UTRN: variants seen among roughly 807,000 people sequenced by gnomAD.
UTRN encodes utrophin, also known as dystrophin-related protein 1.
UTRN carries 283 observed loss-of-function variants against 463.9 expected under a neutral mutation model. That is an observed-to-expected ratio of 0.61 (90% confidence interval 0.55 to 0.67). UTRN has a LOEUF of 0.67. UTRN is among the 30% of genes least tolerant of loss of function. The probability of loss-of-function intolerance (pLI) is 0.00; values close to 1 mark genes in which losing one functional copy is unlikely to be tolerated. For missense variants in UTRN, 3,922 were observed against 4,084.3 expected, an observed-to-expected ratio of 0.96 and a Z score of 1.08; for synonymous variants, 1,442 against 1,431.5, an observed-to-expected ratio of 1.01 and a Z score of -0.17.
At chr6:144,546,921 T>G (rs1317175193) in intron 46 of UTRN, among the ~76,000 whole-genome samples, 1 of 152,264 alleles carries the variant, frequency 6.6e-6, no homozygotes, top group East Asian at 1.9e-4. Context: ...AATGTCTAGT[T>G]TAATAGAACA....
intron 34 of UTRN, 26 bp downstream of exon 34, chr6:144,499,453 C>G: frequency 1.3e-6 from 2 of 1,572,396 alleles, no homozygotes; most frequent in Non-Finnish European, 1.7e-6. Flanking sequence ...GATGAAACAC[C>G]AGCATGATGC....
chr6:144,529,577 G>A (rs1321129822), intron 41 of UTRN, among the ~76,000 whole-genome samples: 1 of 152,082 alleles, frequency 6.6e-6, no homozygotes, highest in Non-Finnish European at 1.5e-5. Flanking sequence ...TGGAAATTGT[G>A]ATTGTTGTGT....
chr6:144,657,250 C>CAAA (rs11400052), intron 51 of UTRN, among the ~76,000 whole-genome samples: 58 of 68,634 alleles, frequency 8.5e-4, no homozygotes, highest in East Asian at 1.1e-3. Flanking sequence ...AACTCCATCT[C>CAAA]AAAAAAAAAA....
chr6:144,490,310 C>A, intron 31 of UTRN, 111 bp downstream of exon 31: 1 of 1,436,042 alleles, frequency 7.0e-7, no homozygotes, highest in Non-Finnish European at 9.3e-7. Context: ...TGATGTAAAC[C>A]ATGGGATGGG....
chr6:144,289,700 G>C (rs910434282), intron 1 of UTRN, among the ~76,000 whole-genome samples: 5 of 152,042 alleles, frequency 3.3e-5, no homozygotes, highest in African/African-American at 1.2e-4. Flanking sequence ...CCAGGCTGGA[G>C]AGTAATAGCA....
intron 51 of UTRN, among the ~76,000 whole-genome samples, chr6:144,634,013 C>T (rs1285838658): frequency 6.6e-6 from 1 of 152,178 alleles, no homozygotes; most frequent in Non-Finnish European, 1.5e-5. Flanking sequence ...AGCAAAAAAG[C>T]CCAACCTGGC....
chr6:144,621,343 C>T (rs972446171), intron 51 of UTRN, among the ~76,000 whole-genome samples: 3 of 152,104 alleles, frequency 2.0e-5, no homozygotes, highest in Admixed American at 1.3e-4. Context: ...TTTTATGGTT[C>T]TCCAGAGAAA....
intron 51 of UTRN, among the ~76,000 whole-genome samples, chr6:144,663,688 T>C (rs952699526): frequency 1.3e-5 from 2 of 152,198 alleles, no homozygotes; most frequent in Admixed American, 1.3e-4. Context: ...AGTGCCGTTC[T>C]CTTAGTACCA....
Position 144,522,018 on chromosome 6 carries a change from T to A in UTRN, c.5580T>A (p.Ala1860=), listed in dbSNP as rs1351246735. ...PIQQRKMGQL[A]SGIRSSLLPT... The stretch of plus-strand genomic sequence containing the variant: ...AACAGAGGAAAATGGGTCAACTTGC[T>A]TCTGGAATTAGATCATCACTTCTTC... The change falls in exon 40 of 75, where the codon GCT becomes GCA. Residue 1860 remains alanine (A), a synonymous_variant. Transcript: ENST00000367545. 1 of 1,580,080 alleles carries A rather than the reference T, an allele frequency of 6.3e-7. No homozygotes were observed. Among genetic ancestry groups the A allele is most frequent in the Admixed American group, 1.8e-5 (1 of 54,552 alleles).
intron 51 of UTRN, among the ~76,000 whole-genome samples, chr6:144,661,095 A>C (rs1008806752): frequency 6.6e-6 from 1 of 152,218 alleles, no homozygotes; most frequent in Admixed American, 6.5e-5. Context: ...CTCACTTGGT[A>C]TGTAAGTCAA....
At chr6:144,709,539 TA>T (rs1785450849) in intron 53 of UTRN, among the ~76,000 whole-genome samples, 1 of 152,180 alleles carries the variant, frequency 6.6e-6, no homozygotes, top group Non-Finnish European at 1.5e-5. Flanking sequence ...TTTTATTCCC[TA>T]AAAGTTCCCA....
intron 52 of UTRN, 31 bp from the exon 53 acceptor site, chr6:144,700,056 G>GGTTATT: frequency 1.3e-6 from 2 of 1,548,940 alleles, no homozygotes; most frequent in Non-Finnish European, 1.7e-6. Flanking sequence ...TTCTAAATGT[G>GGTTATT]GTTATTATTA....
chr6:144,624,936 A>T (rs1775798108), intron 51 of UTRN, among the ~76,000 whole-genome samples: 1 of 151,966 alleles, frequency 6.6e-6, no homozygotes, highest in Admixed American at 6.5e-5. Flanking sequence ...AGAGAGCGGA[A>T]TGTGTTTTCT....
At chr6:144,605,021 C>A (rs111597365) in intron 51 of UTRN, among the ~76,000 whole-genome samples, 1 of 152,148 alleles carries the variant, frequency 6.6e-6, no homozygotes, top group Non-Finnish European at 1.5e-5. Context: ...CCACTTCTCA[C>A]GATATATCGT....
chr6:144,770,949 C>T (rs1793938803), intron 58 of UTRN, among the ~76,000 whole-genome samples: 1 of 152,146 alleles, frequency 6.6e-6, no homozygotes, highest in African/African-American at 2.4e-5. Flanking sequence ...GAGGGAGGCT[C>T]TGTAGATTGT....
chr6:144,716,357 T>C (rs1157468555), intron 53 of UTRN, among the ~76,000 whole-genome samples: 1 of 152,128 alleles, frequency 6.6e-6, no homozygotes, highest in Non-Finnish European at 1.5e-5. Flanking sequence ...TCTTAACAAA[T>C]GCAGGGAGAA....
intron 39 of UTRN, among the ~76,000 whole-genome samples, 162 bp from the exon 40 acceptor site, chr6:144,521,818 G>C (rs1796118538): frequency 6.6e-6 from 1 of 151,802 alleles, no homozygotes; most frequent in Non-Finnish European, 1.5e-5. Flanking sequence ...AAGGTTTTCT[G>C]TTGCAAGGTA....
chr6:144,384,240 G>A (rs1781202782), intron 2 of UTRN, among the ~76,000 whole-genome samples: 1 of 152,144 alleles, frequency 6.6e-6, no homozygotes, highest in African/African-American at 2.4e-5. Context: ...CTACTAGTCT[G>A]TTGCCTGTTA....
chr6:144,425,274 G>C (rs1283763906), intron 6 of UTRN, among the ~76,000 whole-genome samples: 1 of 152,154 alleles, frequency 6.6e-6, no homozygotes, highest in African/African-American at 2.4e-5. Context: ...CAAAAGTGAC[G>C]TGAGTTCTTC....
Sources: allele counts gnomAD v4.1 joint callset (sites outside exome capture counted in the v4.1 genomes callset), GRCh38; gene constraint gnomAD v4.1.1; transcripts MANE v1.5; gene names NCBI Gene and HGNC (gene_info 2026-07-23, HGNC 2026-07-21).